Variants in XYLT1 observed in about 807,000 individuals in gnomAD.
XYLT1 encodes beta-D-xylosyltransferase 1.
XYLT1 carries 36 observed loss-of-function variants against 91.3 expected under a neutral mutation model. The ratio of observed to expected loss-of-function variants is 0.39; its 90% confidence interval spans 0.30 to 0.52. The LOEUF (loss-of-function observed/expected upper bound fraction) is 0.52. Ranked by LOEUF, XYLT1 falls within the 20% of genes least tolerant of loss-of-function variation. The pLI, the probability that XYLT1 is intolerant of heterozygous loss-of-function variation, is 0.68. For synonymous variants in XYLT1, 588 were observed against 532.0 expected (o/e 1.11, Z -1.45); for missense variants, 1,242 against 1,284.5 (o/e 0.97, Z 0.51).
chr16:17,347,428 G>A (rs957436377), intron 2 of XYLT1, among the ~76,000 whole-genome samples: 2 of 152,190 alleles, frequency 1.3e-5, no homozygotes, highest in African/African-American at 4.8e-5. Context: ...ACCCTGCCTG[G>A]GGCATCTCTT....
intron 1 of XYLT1, among the ~76,000 whole-genome samples, chr16:17,449,112 C>T (rs1002963053): frequency 2.6e-4 from 39 of 152,346 alleles, no homozygotes; most frequent in African/African-American, 6.0e-4. Context: ...CTCACCCACA[C>T]GCCCAAGGAA....
chr16:17,414,972 G>A (rs537673766), intron 1 of XYLT1, among the ~76,000 whole-genome samples: 70 of 152,218 alleles, frequency 4.6e-4, no homozygotes, highest in African/African-American at 1.6e-3. Flanking sequence ...CAGACCCCCC[G>A]CAGAGAAAAA....
At position 17,321,342 on chromosome 16, in the gene XYLT1, C is replaced by CTTTTTTTTTTTTTTTT. The variant is rs10606202; in HGVS notation, c.402+36654_402+36669dup. 1.6e-4 allele frequency among the ~76,000 whole-genome samples: 7 copies of CTTTTTTTTTTTTTTTT among 43,622 alleles called. 1 individual carries two copies. Among genetic ancestry groups the CTTTTTTTTTTTTTTTT allele is most frequent in the African/African-American group, 4.1e-4 (5 of 12,122 alleles). 28.6% of individuals were successfully genotyped at this position (43,622 alleles called of 152,430 possible). A position where few individuals can be genotyped will look rare whatever the true frequency, so the allele number is the denominator to read the frequency against. ...GACAGTTCCCAAAGTACTAACTAGC[C>CTTTTTTTTTTTTTTTT]TTTTTTTTTTTTTTTTTTTTTTTTT... On this transcript the variant is annotated intron_variant, in intron 2 of 11. Coordinates refer to ENST00000261381, the MANE Select transcript of XYLT1 (RefSeq NM_022166.4).
At chr16:17,272,738 G>A (rs909026280) in intron 2 of XYLT1, among the ~76,000 whole-genome samples, 1 of 152,170 alleles carries the variant, frequency 6.6e-6, no homozygotes, top group Non-Finnish European at 1.5e-5. Flanking sequence ...TGCTCTGTCC[G>A]GCCCGGCCAG....
intron 2 of XYLT1, among the ~76,000 whole-genome samples, chr16:17,278,643 C>T (rs1258381514): frequency 6.6e-6 from 1 of 152,190 alleles, no homozygotes; most frequent in Non-Finnish European, 1.5e-5. Flanking sequence ...GAGACAAGCT[C>T]CATATAACAG....
intron 3 of XYLT1, among the ~76,000 whole-genome samples, chr16:17,254,669 A>T (rs983206202): frequency 6.6e-6 from 1 of 152,222 alleles, no homozygotes; most frequent in Non-Finnish European, 1.5e-5. Context: ...TGCTGGGATT[A>T]CAGGCATGAG....
intron 2 of XYLT1, among the ~76,000 whole-genome samples, chr16:17,266,829 C>A (rs1196390627): frequency 6.6e-6 from 1 of 152,200 alleles, no homozygotes; most frequent in Non-Finnish European, 1.5e-5. Flanking sequence ...GAGGCCTGCA[C>A]CTGCTTCCAA....
At chr16:17,338,648 C>T in intron 2 of XYLT1, 1 of 376,986 alleles carries the variant, frequency 2.7e-6, no homozygotes, top group Non-Finnish European at 5.3e-6. Flanking sequence ...GGGACGGAGT[C>T]TCGCTCTGTT....
rs1356203446 is a variant in XYLT1, at chr16:17,127,697, G to C, written c.2192C>G (p.Pro731Arg). ...AAACTGAAGCCTCCCAAAGTCACTG[G>C]GTGGGCTTGCGATCTTGAAGACTTT... ...PKKVFKIASP[P>R]SDFGRLQFSE... The change falls in exon 10 of 12, where the codon CCC becomes CGC. Residue 731 changes from proline (P) to arginine (R), a missense_variant. Physicochemically the swap from Pro to Arg is moderately radical, Grantham distance 103 (BLOSUM62 -2). Coordinates refer to ENST00000261381, the MANE Select transcript of XYLT1 (RefSeq NM_022166.4). The C allele has an allele frequency of 1.2e-6, 2 of 1,614,136 alleles. No homozygotes were observed. Among genetic ancestry groups the C allele is most frequent in the Admixed American group, 3.3e-5 (2 of 60,028 alleles).
chr16:17,353,004 G>A (rs2035242323), intron 2 of XYLT1, among the ~76,000 whole-genome samples: 1 of 152,158 alleles, frequency 6.6e-6, no homozygotes, highest in South Asian at 2.1e-4. Context: ...ATTTGCTACA[G>A]GAGCCCTGTT....
At chr16:17,454,903 TCCCC>T (rs201490419) in intron 1 of XYLT1, among the ~76,000 whole-genome samples, 1 of 36,986 alleles carries the variant, frequency 2.7e-5, no homozygotes, top group African/African-American at 1.9e-4. Context: ...CATTCTTTCC[TCCCC>T]CCCCCGCCCC....
intron 9 of XYLT1, among the ~76,000 whole-genome samples, chr16:17,133,998 A>T (rs1170674216): frequency 6.6e-6 from 1 of 152,210 alleles, no homozygotes; most frequent in Non-Finnish European, 1.5e-5. Context: ...ATTGACTTCA[A>T]ACTGATCCGG....
intron 1 of XYLT1, among the ~76,000 whole-genome samples, chr16:17,370,736 A>G (rs2035521749): frequency 6.6e-6 from 1 of 152,236 alleles, no homozygotes; most frequent in Admixed American, 6.5e-5. Flanking sequence ...AAAAACCTAC[A>G]TAGGATGCCA....
At chr16:17,338,167 AT>A (rs1279447337) in intron 2 of XYLT1, 1 of 456,396 alleles carries the variant, frequency 2.2e-6, no homozygotes, top group Admixed American at 2.3e-5. Flanking sequence ...CCTGAACTGA[AT>A]GTCCCCTTTT....
intron 3 of XYLT1, among the ~76,000 whole-genome samples, chr16:17,238,426 C>G (rs979880294): frequency 1.3e-5 from 2 of 152,200 alleles, no homozygotes; most frequent in African/African-American, 4.8e-5. Context: ...TGGAGCTGCA[C>G]AGTTTCTGTT....
chr16:17,371,769 C>T (rs535098285), intron 1 of XYLT1, among the ~76,000 whole-genome samples: 2 of 152,336 alleles, frequency 1.3e-5, no homozygotes, highest in Admixed American at 6.5e-5. Flanking sequence ...ATCACATCTG[C>T]TTCTGCTGTG....
intron 3 of XYLT1, among the ~76,000 whole-genome samples, chr16:17,234,204 A>G (rs565694033): frequency 1.3e-4 from 20 of 152,166 alleles, no homozygotes; most frequent in Non-Finnish European, 2.6e-4. Context: ...AAGAATGCCT[A>G]GCTTGTGAGT....
intron 2 of XYLT1, among the ~76,000 whole-genome samples, chr16:17,351,816 G>T (rs549939795): frequency 6.6e-6 from 1 of 151,380 alleles, no homozygotes; most frequent in African/African-American, 2.4e-5. Flanking sequence ...CCCACTAGAT[G>T]CCAGTAGCAT....
At chr16:17,314,547 G>A (rs1048715852) in intron 2 of XYLT1, among the ~76,000 whole-genome samples, 1 of 152,136 alleles carries the variant, frequency 6.6e-6, no homozygotes, top group Non-Finnish European at 1.5e-5. Context: ...CCAAGAGAAC[G>A]CATACTGGGT....
Sources: allele counts gnomAD v4.1 joint callset (sites outside exome capture counted in the v4.1 genomes callset), GRCh38; gene constraint gnomAD v4.1.1; transcripts MANE v1.5; gene names NCBI Gene and HGNC (gene_info 2026-07-23, HGNC 2026-07-21).